Variants in NFE2 observed in about 807,000 individuals in gnomAD.
The protein encoded by NFE2 is transcription factor NF-E2 45 kDa subunit.
NFE2 carries 13 observed loss-of-function variants against 25.8 expected under a neutral mutation model. The observed-to-expected ratio is 0.50, with a 90% CI of 0.33 to 0.80. The LOEUF (loss-of-function observed/expected upper bound fraction) is 0.80. Ranked by LOEUF, NFE2 falls within the 30% of genes least tolerant of loss-of-function variation. NFE2 has a pLI of 0.02. For synonymous variants in NFE2, 204 were observed against 200.2 expected (o/e 1.02, Z -0.16); for missense variants, 382 against 478.9 (o/e 0.80, Z 1.89).
intron 1 of NFE2, chr12:54,297,688 A>G (rs1048014838): frequency 3.9e-5 from 6 of 152,214 alleles, no homozygotes; most frequent in African/African-American, 7.3e-5. Flanking sequence ...AAAAAAAAAA[A>G]AAAAGAAAAG....
Position 54,298,439 on chromosome 12 carries a change from G to A in NFE2, c.-57+2362C>T, listed in dbSNP as rs970485946. On this transcript the variant is annotated intron_variant, in intron 1 of 2. Coordinates refer to ENST00000435572, the MANE Select transcript of NFE2 (RefSeq NM_001136023.3). ...GGAGAATCGCTTGAACCCAGGAGGC[G>A]GAGGTTGTGGTGAGCCAAGATCATG... is the stretch of plus-strand genomic sequence containing the variant. Among the ~76,000 whole-genome samples the A allele has an allele frequency of 1.5e-4, 22 of 150,628 alleles. 1 individual carries two copies. The highest frequency in any genetic ancestry group is 4.2e-4 in the South Asian group (2 of 4,740).
chr12:54,298,788 C>T (rs1944397516), intron 1 of NFE2, among the ~76,000 whole-genome samples: 1 of 152,008 alleles, frequency 6.6e-6, no homozygotes, highest in African/African-American at 2.4e-5. Context: ...TGGTGGCTCA[C>T]ACCTGTAATC....
In NFE2 at chr12:54,292,285, A is replaced by G. The variant is rs1944323384; in HGVS notation, c.*89T>C. 7.9e-6 allele frequency: 11 copies of G among 1,395,034 alleles called. No homozygotes were observed. Among genetic ancestry groups the G allele is most frequent in the Non-Finnish European group, 1.1e-5 (11 of 1,015,682 alleles). 86.4% of individuals were successfully genotyped at this position (1,395,034 alleles called of 1,614,324 possible). Reference sequence around the variant, plus strand: ...CATCCTCTTCTGGTCTAGAGAACTCAGCTCCTTCTGGGACTCAGGGTTGGG... The same window carrying G: ...CATCCTCTTCTGGTCTAGAGAACTCGGCTCCTTCTGGGACTCAGGGTTGGG... On this transcript the variant is annotated 3_prime_UTR_variant, in exon 3 of 3. Transcript: ENST00000435572.
chr12:54,292,623 A>C lies in NFE2; in HGVS notation c.873T>G (p.Ile291Met). The C allele has an allele frequency of 6.2e-7, 1 of 1,614,128 alleles. No homozygotes were observed. ...QNCRKRKLETIVQLERELERL... is the reference protein window; with the variant it reads ...QNCRKRKLETMVQLERELERL... Reference sequence around the variant, plus strand: ...GCTCCAGCTCCCGCTCCAGCTGCACAATGGTTTCCAGCTTCCTCTTGCGGC... The same window carrying C: ...GCTCCAGCTCCCGCTCCAGCTGCACCATGGTTTCCAGCTTCCTCTTGCGGC... Residue 291 changes from isoleucine (I) to methionine (M), a missense_variant, in exon 3 of 3, where the codon ATT becomes ATG. Physicochemically the swap from Ile to Met is conservative, Grantham distance 10. Coordinates refer to ENST00000435572, the MANE Select transcript of NFE2 (RefSeq NM_001136023.3).
At chr12:54,293,567 A>C (rs1944341471) in intron 2 of NFE2, among the ~76,000 whole-genome samples, 186 bp from the exon 3 acceptor site, 1 of 152,198 alleles carries the variant, frequency 6.6e-6, no homozygotes. Context: ...ATGCAGCTTA[A>C]AGCCAGGAAT....
chr12:54,296,012 C>G (rs1156248745), intron 1 of NFE2, among the ~76,000 whole-genome samples: 1 of 152,222 alleles, frequency 6.6e-6, no homozygotes, highest in Non-Finnish European at 1.5e-5. Flanking sequence ...TACCTTAACC[C>G]ATACAATCAG....
At chr12:54,294,832 GAGA>G (rs1325665837) in intron 2 of NFE2, among the ~76,000 whole-genome samples, 1 of 152,174 alleles carries the variant, frequency 6.6e-6, no homozygotes, top group Admixed American at 6.5e-5. Context: ...CAGGTCAGAA[GAGA>G]AGAAGGTGAG....
In NFE2 at chr12:54,292,562, G is replaced by A. The variant is rs779667357; in HGVS notation, c.934C>T (p.Arg312Cys). The change falls in exon 3 of 3, where the codon CGC becomes TGC. Residue 312 changes from arginine (R) to cysteine (C), a missense_variant. Arg to Cys is a radical substitution (Grantham distance 180). Transcript: ENST00000435572. ...TNERERLLRA[R>C]GEADRTLEVM... ...TCCAGGGTCCGGTCTGCCTCCCCGCGGGCCCTGAGAAGCCGCTCCCGTTCA... is the reference window on the plus strand; with the variant it reads ...TCCAGGGTCCGGTCTGCCTCCCCGCAGGCCCTGAGAAGCCGCTCCCGTTCA... The A allele has an allele frequency of 1.2e-6, 2 of 1,614,078 alleles. No homozygotes were observed.
chr12:54,297,609 T>A (rs565022192), intron 1 of NFE2, among the ~76,000 whole-genome samples: 1 of 128,262 alleles, frequency 7.8e-6, no homozygotes, highest in Non-Finnish European at 1.5e-5. Context: ...GAGGTTGCAG[T>A]GAGCTAAGAT....
Position 54,293,373 on chromosome 12 carries a change from A to G in NFE2, c.123T>C (p.Asn41=). 6.7e-7 allele frequency: 1 copy of G among 1,499,204 alleles called. No homozygotes were observed. Among genetic ancestry groups the G allele is most frequent in the Non-Finnish European group, 9.0e-7 (1 of 1,116,854 alleles). The allele number at this position is 1,499,204 out of a possible 1,614,324, so 92.9% of individuals were successfully genotyped here. ...GCTCAAATGATGGCTCACTTGGAGCATTCAGACCCTGCAAGGAAAGACACA... is the reference window on the plus strand; with the variant it reads ...GCTCAAATGATGGCTCACTTGGAGCGTTCAGACCCTGCAAGGAAAGACACA... ...IMSITELQGL[N]APSEPSFEPQ... The change falls in exon 3 of 3, where the codon AAT becomes AAC. Residue 41 remains asparagine (N), a synonymous_variant. Transcript: ENST00000435572.
chr12:54,292,752 AT>A lies in NFE2; in HGVS notation c.743del (p.Asp248ValfsTer12). 1 of 1,614,170 alleles carries A rather than the reference AT, an allele frequency of 6.2e-7. No homozygotes were observed. The highest frequency in any genetic ancestry group is 1.1e-5 in the South Asian group (1 of 91,088). ...ACCTTGCCAATAGCTCATTAAAGTC[AT>A]CTACCGGCAAGTTGACAATCTTGTC... ...PTDKIVNLPV[D>X]DFNELLARYP... is the part of the protein sequence containing the mutation. On this transcript the variant is annotated frameshift_variant, in exon 3 of 3. Transcript: ENST00000435572. LOFTEE classifies it high-confidence loss of function.
intron 1 of NFE2, among the ~76,000 whole-genome samples, chr12:54,299,698 A>C (rs1565887962): frequency 6.6e-6 from 1 of 152,158 alleles, no homozygotes; most frequent in African/African-American, 2.4e-5. Flanking sequence ...AGAGGAATAC[A>C]TTTGGCCTTA....
chr12:54,300,275 C>T (rs1944411273), intron 1 of NFE2: 2 of 152,296 alleles, frequency 1.3e-5, no homozygotes. Flanking sequence ...TCTCTACTGC[C>T]CCTGGGCACA....
chr12:54,296,229 AC>A (rs1345929330), intron 1 of NFE2, among the ~76,000 whole-genome samples: 1 of 151,604 alleles, frequency 6.6e-6, no homozygotes, highest in African/African-American at 2.4e-5. Context: ...CAACATGGAA[AC>A]CCCGTCTCTA....
chr12:54,300,707 G>T (rs1944415556), intron 1 of NFE2, 94 bp downstream of exon 1: 1 of 152,238 alleles, frequency 6.6e-6, no homozygotes, highest in Non-Finnish European at 1.5e-5. Context: ...CCGAAAGTTG[G>T]TTATTTTCCC....
chr12:54,293,713 G>A (rs555704457), intron 2 of NFE2, among the ~76,000 whole-genome samples: 3 of 152,302 alleles, frequency 2.0e-5, no homozygotes, highest in African/African-American at 7.2e-5. Flanking sequence ...GCTGGGCATG[G>A]TGGTGAATGC....
chr12:54,292,506 G>A lies in NFE2; in HGVS notation c.990C>T (p.Tyr330=), dbSNP rs1245626472. The part of the protein sequence containing the change: ...EVMRQQLTEL[Y]RDIFQHLRDE... Reference sequence around the variant, plus strand: ...CCCGAAGGTGCTGGAAAATGTCACGGTACAGCTCTGTCAGCTGTTGGCGCA... The same window carrying A: ...CCCGAAGGTGCTGGAAAATGTCACGATACAGCTCTGTCAGCTGTTGGCGCA... The change falls in exon 3 of 3, where the codon TAC becomes TAT. Residue 330 remains tyrosine (Y), a synonymous_variant. Transcript: ENST00000435572. The A allele has an allele frequency of 2.5e-6, 4 of 1,614,040 alleles. No homozygotes were observed. The highest frequency in any genetic ancestry group is 2.7e-5 in the African/African-American group (2 of 74,910).
chr12:54,296,347 C>G (rs1361079230), intron 1 of NFE2, among the ~76,000 whole-genome samples: 2 of 145,624 alleles, frequency 1.4e-5, no homozygotes, highest in Non-Finnish European at 3.0e-5. Context: ...GAGGTGGAGG[C>G]TGCAGAGAGC....
At chr12:54,298,404 G>A (rs1026926468) in intron 1 of NFE2, among the ~76,000 whole-genome samples, 1 of 151,624 alleles carries the variant, frequency 6.6e-6, no homozygotes, top group Non-Finnish European at 1.5e-5. Flanking sequence ...CTACTTGGGG[G>A]GATGAGGTGG....
Sources: allele counts gnomAD v4.1 joint callset (sites outside exome capture counted in the v4.1 genomes callset), GRCh38; gene constraint gnomAD v4.1.1; transcripts MANE v1.5; gene names NCBI Gene and HGNC (gene_info 2026-07-23, HGNC 2026-07-21).